The following SCAMP1 variants were observed in gnomAD, a reference collection of about 807,000 sequenced individuals.
SCAMP1 encodes the protein secretory carrier membrane protein 1.
In SCAMP1, 15 loss-of-function variants were observed where a neutral mutation model predicts 41.8. The ratio of observed to expected loss-of-function variants is 0.36; its 90% CI spans 0.24 to 0.55. The LOEUF (loss-of-function observed/expected upper bound fraction) is 0.55, where lower values mean the gene tolerates loss of function less well. Ranked by LOEUF, SCAMP1 falls within the 20% of genes least tolerant of loss-of-function variation. The probability of loss-of-function intolerance (pLI) is 0.86; values close to 1 mark genes in which losing one functional copy is unlikely to be tolerated. For synonymous variants in SCAMP1, 135 were observed against 136.8 expected, an observed-to-expected ratio of 0.99 and a Z score of 0.09; for missense variants, 341 against 412.6, an observed-to-expected ratio of 0.83 and a Z score of 1.50.
At chr5:78,422,534 C>T (rs1254210999) in intron 6 of SCAMP1, among the ~76,000 whole-genome samples, 2 of 151,910 alleles carry the variant, frequency 1.3e-5, no homozygotes, top group Admixed American at 1.3e-4. Flanking sequence ...ATTTCCTTAG[C>T]GCATGTTCTG....
At chr5:78,472,973 A>G (rs1753921314) in intron 8 of SCAMP1, among the ~76,000 whole-genome samples, 1 of 152,166 alleles carries the variant, frequency 6.6e-6, no homozygotes, top group African/African-American at 2.4e-5. Flanking sequence ...GATTTCTATA[A>G]TACACTTCAT....
chr5:78,456,947 G>C (rs1389372636), intron 7 of SCAMP1, among the ~76,000 whole-genome samples: 1 of 133,738 alleles, frequency 7.5e-6, no homozygotes, highest in Admixed American at 7.3e-5. Context: ...ATCTTCCATT[G>C]CTGATACCCT....
chr5:78,451,335 A>T (rs1189388733), intron 7 of SCAMP1, among the ~76,000 whole-genome samples: 2 of 152,340 alleles, frequency 1.3e-5, no homozygotes, highest in African/African-American at 4.8e-5. Context: ...ATCCTGTTTC[A>T]CCCAATGGTA....
At chr5:78,413,146 GT>G (rs941420410) in intron 2 of SCAMP1, among the ~76,000 whole-genome samples, 32 of 150,910 alleles carry the variant, frequency 2.1e-4, no homozygotes, top group African/African-American at 7.6e-4. Flanking sequence ...AGTAAGAAAT[GT>G]TTTTTTTTCC....
chr5:78,365,705 C>T (rs1750779038), intron 1 of SCAMP1, among the ~76,000 whole-genome samples: 1 of 152,068 alleles, frequency 6.6e-6, no homozygotes, highest in Non-Finnish European at 1.5e-5. Flanking sequence ...ACACGTAGTT[C>T]CTCCCTAATA....
At chr5:78,387,017 G>A (rs1215000747) in intron 1 of SCAMP1, among the ~76,000 whole-genome samples, 1 of 152,148 alleles carries the variant, frequency 6.6e-6, no homozygotes, top group African/African-American at 2.4e-5. Context: ...CAAGGCCGGG[G>A]AAGTTTTCCT....
chr5:78,468,720 T>G (rs967747834), intron 8 of SCAMP1, among the ~76,000 whole-genome samples: 22 of 152,202 alleles, frequency 1.4e-4, no homozygotes, highest in Non-Finnish European at 2.5e-4. Flanking sequence ...TTTCAAATCT[T>G]GTTTATTTAC....
intron 6 of SCAMP1, among the ~76,000 whole-genome samples, chr5:78,445,012 G>C (rs1753019224): frequency 6.6e-6 from 1 of 152,182 alleles, no homozygotes; most frequent in South Asian, 2.1e-4. Flanking sequence ...GCTATGTTGA[G>C]TTGCCAGAGT....
At chr5:78,417,683 GGA>G (rs1163397233) in intron 4 of SCAMP1, among the ~76,000 whole-genome samples, 1 of 152,200 alleles carries the variant, frequency 6.6e-6, no homozygotes, top group Non-Finnish European at 1.5e-5. Flanking sequence ...AAGGCTCGGA[GGA>G]GAGAGTAAGT....
intron 6 of SCAMP1, among the ~76,000 whole-genome samples, chr5:78,436,766 C>G (rs1196073764): frequency 6.6e-6 from 1 of 152,092 alleles, no homozygotes; most frequent in Non-Finnish European, 1.5e-5. Flanking sequence ...TGAAGAAAGT[C>G]ACTGGTAGCT....
At chr5:78,393,872 TG>T (rs1463598542) in intron 2 of SCAMP1, among the ~76,000 whole-genome samples, 2 of 152,088 alleles carry the variant, frequency 1.3e-5, no homozygotes, top group Non-Finnish European at 2.9e-5. Flanking sequence ...TTTTGGCCAC[TG>T]GTGAGGGCAT....
chr5:78,368,040 C>T (rs1025885803), intron 1 of SCAMP1, among the ~76,000 whole-genome samples: 1 of 152,256 alleles, frequency 6.6e-6, no homozygotes, highest in East Asian at 1.9e-4. Flanking sequence ...AAATTGGGAG[C>T]CCAGAAGTTT....
At chr5:78,439,406 C>T (rs1416396685) in intron 6 of SCAMP1, among the ~76,000 whole-genome samples, 1 of 149,538 alleles carries the variant, frequency 6.7e-6, no homozygotes, top group Non-Finnish European at 1.5e-5. Flanking sequence ...GTAAGGCAGG[C>T]CTAGTGATGA....
intron 2 of SCAMP1, among the ~76,000 whole-genome samples, chr5:78,398,541 A>ATTTTTT (rs57209214): frequency 2.3e-5 from 1 of 44,282 alleles, no homozygotes; most frequent in African/African-American, 7.9e-5. Flanking sequence ...AAGGTTCACT[A>ATTTTTT]TTTTTTTTTT....
intron 8 of SCAMP1, among the ~76,000 whole-genome samples, chr5:78,462,472 G>C (rs1335616454): frequency 1.3e-5 from 2 of 152,114 alleles, no homozygotes; most frequent in Non-Finnish European, 2.9e-5. Context: ...CGGGATTACA[G>C]ATGTGGCACC....
intron 1 of SCAMP1, among the ~76,000 whole-genome samples, chr5:78,373,720 T>C (rs1025306047): frequency 6.6e-6 from 1 of 152,034 alleles, no homozygotes; most frequent in African/African-American, 2.4e-5. Flanking sequence ...CAAAATAGAG[T>C]GTGAAATTTG....
At chr5:78,434,995 CATT>C (rs1342453562) in intron 6 of SCAMP1, among the ~76,000 whole-genome samples, 4 of 152,132 alleles carry the variant, frequency 2.6e-5, no homozygotes, top group Non-Finnish European at 5.9e-5. Flanking sequence ...TAAATGGTAG[CATT>C]ATTCTAGAAC....
At chr5:78,369,985 T>A (rs1750902839) in intron 1 of SCAMP1, among the ~76,000 whole-genome samples, 1 of 152,236 alleles carries the variant, frequency 6.6e-6, no homozygotes, top group African/African-American at 2.4e-5. Context: ...GAAGGCCATT[T>A]TCAAGAATTC....
chr5:78,370,963 C>T (rs1195269973), intron 1 of SCAMP1, among the ~76,000 whole-genome samples: 2 of 152,110 alleles, frequency 1.3e-5, no homozygotes, highest in African/African-American at 2.4e-5. Context: ...TTGACATTTG[C>T]ATATTTTCTT....
Sources: gnomAD v4.1 joint callset for allele counts (sites outside exome capture counted in the v4.1 genomes callset) on GRCh38, gnomAD v4.1.1 for gene constraint, MANE v1.5 for transcripts, NCBI Gene and HGNC (gene_info 2026-07-23, HGNC 2026-07-21) for gene names.